Variants in RORA observed in about 807,000 individuals in gnomAD.
RORA encodes nuclear receptor ROR-alpha.
Under a neutral mutation model 69.5 loss-of-function variants are expected in RORA, and 7 were observed. That is an observed-to-expected ratio of 0.10 (90% CI 0.06 to 0.19). The LOEUF is 0.19. Among genes scored for constraint, RORA ranks in the 10% least tolerant of loss-of-function variants. The probability of loss-of-function intolerance (pLI) is 1.00; values close to 1 mark genes in which losing one functional copy is unlikely to be tolerated. For missense variants in RORA, 457 were observed against 663.0 expected, an observed-to-expected ratio of 0.69 and a Z score of 3.41; for synonymous variants, 261 against 240.8, an observed-to-expected ratio of 1.08 and a Z score of -0.78.
intron 2 of RORA, among the ~76,000 whole-genome samples, chr15:60,576,010 G>C (rs2068015058): frequency 6.6e-6 from 1 of 152,202 alleles, no homozygotes; most frequent in Admixed American, 6.5e-5. Flanking sequence ...AGCGTGGCTT[G>C]CCTTGCTTTC....
chr15:60,985,773 C>T (rs978021641), intron 1 of RORA, among the ~76,000 whole-genome samples: 2 of 151,554 alleles, frequency 1.3e-5, no homozygotes, highest in African/African-American at 4.8e-5. Flanking sequence ...TTAGTAGAAA[C>T]GGGGTTTCAC....
chr15:61,096,295 G>C (rs561757803), intron 1 of RORA, among the ~76,000 whole-genome samples: 33 of 152,256 alleles, frequency 2.2e-4, no homozygotes, highest in Non-Finnish European at 2.9e-5. Context: ...GCTTTATCCA[G>C]TGTGCTCTGG....
intron 1 of RORA, among the ~76,000 whole-genome samples, chr15:61,048,062 C>G (rs943084669): frequency 6.6e-6 from 1 of 152,186 alleles, no homozygotes; most frequent in Non-Finnish European, 1.5e-5. Flanking sequence ...AGGCTACCAG[C>G]ATTTGAATAA....
rs965308872 is a variant in RORA at position 60,544,320 on chromosome 15, G to T, written c.197-12469C>A. 4.6e-5 allele frequency among the ~76,000 whole-genome samples: 7 copies of T among 152,340 alleles called. No individual in the cohort carries two copies. In the East Asian group the frequency reaches 1.2e-3, roughly 25 times the overall value. On this transcript the variant is annotated intron_variant, in intron 2 of 10. Transcript: ENST00000335670. Reference sequence around the variant, plus strand: ...TTCATCTCGTCAGGGAAAAGGGATAGAAAGTGGAAGAGAATTCTACCTAGT... The same window carrying T: ...TTCATCTCGTCAGGGAAAAGGGATATAAAGTGGAAGAGAATTCTACCTAGT...
chr15:61,130,954 A>T (rs2079185464), intron 1 of RORA, among the ~76,000 whole-genome samples: 2 of 152,250 alleles, frequency 1.3e-5, no homozygotes, highest in African/African-American at 4.8e-5. Flanking sequence ...AAAACAATTC[A>T]TCAATAGTGG....
intron 2 of RORA, among the ~76,000 whole-genome samples, chr15:60,651,629 A>T (rs1419224498): frequency 2.0e-5 from 3 of 152,118 alleles, no homozygotes; most frequent in African/African-American, 7.2e-5. Context: ...TTCCCCCATA[A>T]CATCAATACC....
intron 1 of RORA, among the ~76,000 whole-genome samples, chr15:61,196,696 GCA>G (rs1456945042): frequency 6.6e-6 from 1 of 152,196 alleles, no homozygotes; most frequent in Admixed American, 6.5e-5. Context: ...TTGCACATGT[GCA>G]CAGAGCATCT....
intron 1 of RORA, among the ~76,000 whole-genome samples, chr15:60,858,142 T>C (rs1166600750): frequency 6.6e-6 from 1 of 152,190 alleles, no homozygotes; most frequent in Non-Finnish European, 1.5e-5. Context: ...AACGTTACTA[T>C]GGAGAGTCAG....
At chr15:61,186,621 A>G (rs1220411954) in intron 1 of RORA, among the ~76,000 whole-genome samples, 1 of 123,630 alleles carries the variant, frequency 8.1e-6, no homozygotes, top group Non-Finnish European at 1.6e-5. Flanking sequence ...AGCCTGGGCA[A>G]TGATGTGAGA....
chr15:60,725,074 A>T lies in RORA; in HGVS notation c.167-46388T>A, dbSNP rs1595662171. Among the ~76,000 whole-genome samples, 3 of 152,358 alleles carry T rather than the reference A, an allele frequency of 2.0e-5. No homozygotes were observed. The South Asian group carries it at 6.2e-4, about 32-fold the overall frequency. ...CAGAAAGCACATTTTACAAGGAAAA[A>T]GGTCTTTCTGATTAGCGATTATAAA... On this transcript the variant is annotated intron_variant, in intron 1 of 10. Transcript: ENST00000335670.
At position 61,133,075 on chromosome 15, in the gene RORA, G is replaced by GT. The variant is rs61075414; in HGVS notation, c.166+95977dup. Reference sequence around the variant, plus strand: ...AAGGTAACTCTCTAAAAGTAAAACTGTAAATACTAGAAAATGTATCATACT... The same window carrying GT: ...AAGGTAACTCTCTAAAAGTAAAACTGTTAAATACTAGAAAATGTATCATACT... On this transcript the variant is annotated intron_variant, in intron 1 of 10. Coordinates refer to ENST00000335670, the MANE Select transcript of RORA (RefSeq NM_134261.3). 8.8e-3 allele frequency among the ~76,000 whole-genome samples: 1,332 copies of GT among 151,862 alleles called. 25 individuals carry two copies. Among genetic ancestry groups the GT allele is most frequent in the African/African-American group, 0.031 (1,282 of 41,396 alleles).
At chr15:60,616,118 A>G (rs532978285) in intron 2 of RORA, among the ~76,000 whole-genome samples, 101 of 152,272 alleles carry the variant, frequency 6.6e-4, no homozygotes, top group Non-Finnish European at 1.2e-3. Context: ...TGCATAAAAC[A>G]CTTTATGTCC....
At chr15:60,615,542 G>A (rs1468027176) in intron 2 of RORA, among the ~76,000 whole-genome samples, 15 of 152,154 alleles carry the variant, frequency 9.9e-5, no homozygotes, top group Non-Finnish European at 4.4e-5. Context: ...GGCTGATAAT[G>A]GGATTTGCGT....
chr15:60,581,987 A>G (rs2068207718), intron 2 of RORA, among the ~76,000 whole-genome samples: 1 of 152,208 alleles, frequency 6.6e-6, no homozygotes, highest in South Asian at 2.1e-4. Flanking sequence ...GGTAAAGAAT[A>G]AAATTACTGT....
At chr15:60,835,717 C>A (rs1203945603) in intron 1 of RORA, among the ~76,000 whole-genome samples, 1 of 152,214 alleles carries the variant, frequency 6.6e-6, no homozygotes. Flanking sequence ...CCAAACTCCT[C>A]AGTAGCTTAT....
At chr15:61,092,252 A>C (rs2078718538) in intron 1 of RORA, among the ~76,000 whole-genome samples, 1 of 152,158 alleles carries the variant, frequency 6.6e-6, no homozygotes, top group Admixed American at 6.5e-5. Context: ...CAAATATGAA[A>C]CTCACTTAAA....
intron 1 of RORA, among the ~76,000 whole-genome samples, chr15:61,008,191 T>TTCTC (rs546893051): frequency 4.4e-5 from 6 of 135,152 alleles, no homozygotes; most frequent in African/African-American, 1.1e-4. Flanking sequence ...AATTTCAAAA[T>TTCTC]TCTCTCTCTC....
chr15:60,621,915 G>A (rs1162468784), intron 2 of RORA, among the ~76,000 whole-genome samples: 1 of 152,102 alleles, frequency 6.6e-6, no homozygotes, highest in Non-Finnish European at 1.5e-5. Context: ...GGGCGTGGTG[G>A]CAGGCACCTG....
intron 1 of RORA, among the ~76,000 whole-genome samples, chr15:61,218,199 G>T (rs576699287): frequency 6.6e-6 from 1 of 152,178 alleles, no homozygotes; most frequent in South Asian, 2.1e-4. Context: ...GTGTGTGTGT[G>T]TGTGTGTGTA....
Sources: gnomAD v4.1 joint callset for allele counts (sites outside exome capture counted in the v4.1 genomes callset) on GRCh38, gnomAD v4.1.1 for gene constraint, MANE v1.5 for transcripts, NCBI Gene and HGNC (gene_info 2026-07-23, HGNC 2026-07-21) for gene names.